The following DYNC2H1 variants were observed in gnomAD, a reference collection of about 807,000 sequenced individuals.
DYNC2H1 encodes dynein cytoplasmic 2 heavy chain 1.
A neutral mutation model predicts 570.0 loss-of-function variants in DYNC2H1; 410 were observed. The observed-to-expected ratio is 0.72, with a 90% CI of 0.66 to 0.78. The LOEUF is 0.78. DYNC2H1 is among the 30% of genes least tolerant of loss of function. DYNC2H1 has a pLI of 0.00. For missense variants in DYNC2H1, 4,865 were observed against 5,046.4 expected (o/e 0.96, Z 1.09); for synonymous variants, 1,688 against 1,677.6 (o/e 1.01, Z -0.15).
At chr11:103,451,918 G>GGT (rs1944619768) in intron 85 of DYNC2H1, among the ~76,000 whole-genome samples, 1 of 151,616 alleles carries the variant, frequency 6.6e-6, no homozygotes, top group Admixed American at 6.6e-5. Context: ...TAGTTTTAAT[G>GGT]GTATATATAT....
At chr11:103,392,253 G>C (rs1381481015) in intron 83 of DYNC2H1, among the ~76,000 whole-genome samples, 4 of 152,208 alleles carry the variant, frequency 2.6e-5, no homozygotes, top group Admixed American at 6.5e-5. Flanking sequence ...TCAGACTGCT[G>C]TGCTAGCAAT....
rs556569598 is a variant in DYNC2H1, at chr11:103,334,649, A to T, written c.12039+10659A>T. Among the ~76,000 whole-genome samples, 55 of 152,260 alleles carry T rather than the reference A, an allele frequency of 3.6e-4. No individual in the cohort carries two copies. Among genetic ancestry groups the T allele is most frequent in the African/African-American group, 1.3e-3 (53 of 41,572 alleles). ...ACGTGTCTTAAATTTGAAGATTTTG[A>T]TATACTCCAGCAATTGAACATATTA... is the stretch of plus-strand genomic sequence containing the variant. On this transcript the variant is annotated intron_variant, in intron 82 of 88. Transcript: ENST00000375735. This position sits in a 1 kb window ranked among gnomAD's most constrained non-coding sequence, Gnocchi z 4.3.
chr11:103,182,266 A>G (rs1429327862), intron 40 of DYNC2H1, among the ~76,000 whole-genome samples: 1 of 150,316 alleles, frequency 6.7e-6, no homozygotes, highest in Non-Finnish European at 1.5e-5. Context: ...TTATATACCT[A>G]TATATACACC....
intron 83 of DYNC2H1, among the ~76,000 whole-genome samples, chr11:103,382,381 T>C (rs1322404386): frequency 1.3e-5 from 2 of 152,200 alleles, no homozygotes; most frequent in Admixed American, 6.5e-5. Context: ...CAAATTAAAC[T>C]TGTAGACTTG....
chr11:103,349,311 G>A (rs917290687), intron 82 of DYNC2H1, among the ~76,000 whole-genome samples: 1 of 152,102 alleles, frequency 6.6e-6, no homozygotes, highest in Non-Finnish European at 1.5e-5. Flanking sequence ...ATAGATGAAT[G>A]TATTAGGAAA....
chr11:103,359,528 G>A (rs903657732), intron 83 of DYNC2H1, among the ~76,000 whole-genome samples: 17 of 152,032 alleles, frequency 1.1e-4, no homozygotes, highest in South Asian at 2.1e-4. Context: ...AACTTTTTTC[G>A]ATTATTATGT....
rs1944048936 is a variant in DYNC2H1 at position 103,436,047 on chromosome 11, T to C, written c.12456+15T>C. The C allele has an allele frequency of 1.2e-6, 2 of 1,609,522 alleles. No homozygotes were observed. Among genetic ancestry groups the C allele is most frequent in the African/African-American group, 1.3e-5 (1 of 74,874 alleles). On this transcript the variant is annotated intron_variant, in intron 85 of 88. Coordinates refer to ENST00000375735, the MANE Select transcript of DYNC2H1 (RefSeq NM_001377.3). ...TTGCAATACAGGTATGCCTAAATTA[T>C]TTACTAAGTGGGTTGTCTGACTGTG...
chr11:103,413,956 A>C (rs1419304210), intron 84 of DYNC2H1, among the ~76,000 whole-genome samples: 1 of 152,096 alleles, frequency 6.6e-6, no homozygotes, highest in African/African-American at 2.4e-5. Flanking sequence ...TTCATTTAGC[A>C]AATAAAAACA....
At position 103,223,059 on chromosome 11, in the gene DYNC2H1, TG is replaced by T; in HGVS notation, c.9328del (p.Glu3110LysfsTer7). 6.2e-7 allele frequency: 1 copy of T among 1,612,972 alleles called. No individual in the cohort carries two copies. Among genetic ancestry groups the T allele is most frequent in the Non-Finnish European group, 8.5e-7 (1 of 1,179,378 alleles). On this transcript the variant is annotated frameshift_variant, in exon 59 of 89. Transcript: ENST00000375735. LOFTEE classifies it high-confidence loss of function. ...YSHVLERIHP[L>X]ETEQAGLESN... ...CATGTCTTGGAACGAATTCATCCTT[TG>T]GAAACTGAACAGGCAGGATTAGAAT...
intron 84 of DYNC2H1, among the ~76,000 whole-genome samples, chr11:103,417,184 A>T (rs1231449170): frequency 6.6e-6 from 1 of 152,114 alleles, no homozygotes; most frequent in Non-Finnish European, 1.5e-5. Context: ...GGTTCAAGCC[A>T]TTCTCCTACC....
At chr11:103,383,373 G>T (rs1941735759) in intron 83 of DYNC2H1, among the ~76,000 whole-genome samples, 1 of 152,076 alleles carries the variant, frequency 6.6e-6, no homozygotes, top group South Asian at 2.1e-4. Flanking sequence ...CTACATAATA[G>T]AATATGCCTT....
intron 84 of DYNC2H1, among the ~76,000 whole-genome samples, chr11:103,431,115 C>T (rs1327889051): frequency 6.6e-6 from 1 of 151,386 alleles, no homozygotes; most frequent in Non-Finnish European, 1.5e-5. Flanking sequence ...CTGGTTACAG[C>T]CGGTTCTGCT....
chr11:103,112,997 C>T (rs977602634), intron 1 of DYNC2H1, among the ~76,000 whole-genome samples: 1 of 152,146 alleles, frequency 6.6e-6, no homozygotes. Context: ...GAAAAATTTT[C>T]AGTTAAGATA....
Position 103,185,074 on chromosome 11 carries a change from A to G in DYNC2H1, c.6633+23A>G. 1 of 1,594,600 alleles carries G rather than the reference A, an allele frequency of 6.3e-7. No homozygotes were observed. The highest frequency in any genetic ancestry group is 8.6e-7 in the Non-Finnish European group (1 of 1,167,936). ...GAGGTAATGCATATTTATAGCCTATATTTAGTCAAAACTTTAACTTTTCAT... is the reference window on the plus strand; with the variant it reads ...GAGGTAATGCATATTTATAGCCTATGTTTAGTCAAAACTTTAACTTTTCAT... On this transcript the variant is annotated intron_variant, in intron 41 of 88. Coordinates refer to ENST00000375735, the MANE Select transcript of DYNC2H1 (RefSeq NM_001377.3). The surrounding 1 kb of genome is among the most constrained non-coding windows in gnomAD (Gnocchi z 4.5).
chr11:103,176,398 C>A lies in DYNC2H1; in HGVS notation c.5838C>A (p.Val1946=), dbSNP rs1482827468. 6.4e-7 allele frequency: 1 copy of A among 1,574,164 alleles called. No individual in the cohort carries two copies. The highest frequency in any genetic ancestry group is 8.6e-7 in the Non-Finnish European group (1 of 1,163,636). ...AACTAAGTGCTGCATTAAAGCAGGT[C>A]TTTGAAGAGGCCAATTATGAAATTA... ...YDELSAALKQ[V]FEEANYEIIP... is the part of the protein sequence containing the mutation. Residue 1946 remains valine, a synonymous_variant, in exon 37 of 89, where the codon GTC becomes GTA. Transcript: ENST00000375735.
intron 84 of DYNC2H1, chr11:103,407,466 A>C (rs1942908262): frequency 6.6e-6 from 1 of 151,996 alleles, no homozygotes; most frequent in South Asian, 2.1e-4. Flanking sequence ...AATGCTGGAA[A>C]TTAGAATAGG....
At chr11:103,180,811 G>A (rs1861819842) in intron 39 of DYNC2H1, among the ~76,000 whole-genome samples, 1 of 151,186 alleles carries the variant, frequency 6.6e-6, no homozygotes, top group South Asian at 2.1e-4. Flanking sequence ...AGCATCTTTG[G>A]TTGGCCTACT....
rs1188245004 is a variant in DYNC2H1, at chr11:103,363,950, C to CT, written c.12156+5597dup. 2.0e-5 allele frequency among the ~76,000 whole-genome samples: 3 copies of CT among 151,974 alleles called. No homozygotes were observed. The highest frequency in any genetic ancestry group is 4.4e-5 in the Non-Finnish European group (3 of 68,006). On this transcript the variant is annotated intron_variant, in intron 83 of 88. Coordinates refer to ENST00000375735, the MANE Select transcript of DYNC2H1 (RefSeq NM_001377.3). This position sits in a 1 kb window ranked among gnomAD's most constrained non-coding sequence, Gnocchi z 5.6. ...TATGACTTCCCAATGTAATAGGAGT[C>CT]TTTTTTCCATATGAGGACCTTGAAG...
At chr11:103,390,662 T>C (rs1258166820) in intron 83 of DYNC2H1, among the ~76,000 whole-genome samples, 12 of 152,250 alleles carry the variant, frequency 7.9e-5, no homozygotes, top group Non-Finnish European at 1.8e-4. Context: ...TGTTGAGTGC[T>C]TCCTTCAGGA....
Sources: gnomAD v4.1 joint callset for allele counts (sites outside exome capture counted in the v4.1 genomes callset) on GRCh38, gnomAD v4.1.1 for gene constraint, Gnocchi (gnomAD v3.1) non-coding constraint, MANE v1.5 for transcripts, NCBI Gene and HGNC (gene_info 2026-07-23, HGNC 2026-07-21) for gene names.